Variants in MYO9B observed in about 807,000 individuals in gnomAD.
MYO9B encodes unconventional myosin-IXb.
MYO9B carries 71 observed loss-of-function variants against 229.5 expected under a neutral mutation model. That is an observed-to-expected ratio of 0.31 (90% CI 0.26 to 0.38). The LOEUF (loss-of-function observed/expected upper bound fraction) is 0.38, where lower values mean the gene tolerates loss of function less well. Among genes scored for constraint, MYO9B ranks in the 10% least tolerant of loss-of-function variants. The pLI, the probability that MYO9B is intolerant of heterozygous loss-of-function variation, is 1.00. For synonymous variants in MYO9B, 1,185 were observed against 1,235.8 expected (o/e 0.96, Z 0.86); for missense variants, 2,255 against 2,920.5 (o/e 0.77, Z 5.25).
At chr19:17,132,147 T>G (rs2072205152) in intron 2 of MYO9B, among the ~76,000 whole-genome samples, 1 of 151,094 alleles carries the variant, frequency 6.6e-6, no homozygotes, top group Non-Finnish European at 1.5e-5. Flanking sequence ...GGATTACAGT[T>G]GTGAGCCACT....
At chr19:17,183,008 G>A (rs1210082400) in intron 15 of MYO9B, among the ~76,000 whole-genome samples, 2 of 151,934 alleles carry the variant, frequency 1.3e-5, no homozygotes, top group Non-Finnish European at 2.9e-5. Flanking sequence ...TGCAACCTCC[G>A]CCTCCTGGGT....
chr19:17,106,501 A>G, intron 2 of MYO9B, among the ~76,000 whole-genome samples: 1 of 152,248 alleles, frequency 6.6e-6, no homozygotes, highest in Non-Finnish European at 1.5e-5. Flanking sequence ...GCGTCATCCC[A>G]GCTCTGAGAC....
chr19:17,204,297 G>A (rs1462702315), intron 30 of MYO9B, among the ~76,000 whole-genome samples: 1 of 151,006 alleles, frequency 6.6e-6, no homozygotes, highest in Non-Finnish European at 1.5e-5. Flanking sequence ...AAGCAGCATT[G>A]TCTTTGCCCC....
At chr19:17,186,510 T>A (rs527846562) in intron 18 of MYO9B, among the ~76,000 whole-genome samples, 124 of 152,160 alleles carry the variant, frequency 8.1e-4, no homozygotes, top group African/African-American at 2.9e-3. Context: ...GAGTGTGGGC[T>A]CCCAGACAAA....
chr19:17,127,314 CT>C (rs1308465444), intron 2 of MYO9B, among the ~76,000 whole-genome samples: 5 of 149,106 alleles, frequency 3.4e-5, no homozygotes, highest in Non-Finnish European at 7.4e-5. Flanking sequence ...AATTTTTTGA[CT>C]TTTTTTCTCC....
At chr19:17,166,750 A>G (rs1231973511) in intron 10 of MYO9B, among the ~76,000 whole-genome samples, 2 of 152,064 alleles carry the variant, frequency 1.3e-5, no homozygotes, top group African/African-American at 4.8e-5. Flanking sequence ...AAGAACATGC[A>G]ATATTTGGTT....
chr19:17,128,642 G>A (rs988598714), intron 2 of MYO9B, among the ~76,000 whole-genome samples: 1 of 152,266 alleles, frequency 6.6e-6, no homozygotes, highest in Non-Finnish European at 1.5e-5. Flanking sequence ...GGCGCTCAGG[G>A]TCACAGCTCT....
At chr19:17,105,626 GGA>G (rs1225282017) in intron 2 of MYO9B, among the ~76,000 whole-genome samples, 1 of 152,128 alleles carries the variant, frequency 6.6e-6, no homozygotes, top group Non-Finnish European at 1.5e-5. Flanking sequence ...CCCCCTCAGT[GGA>G]GAGAGGGAGT....
intron 10 of MYO9B, among the ~76,000 whole-genome samples, chr19:17,165,934 G>A (rs945205913): frequency 6.6e-6 from 1 of 152,060 alleles, no homozygotes; most frequent in Non-Finnish European, 1.5e-5. Context: ...TATCATCTGT[G>A]GCTGTTTTCA....
At chr19:17,198,505 C>T (rs986505118) in intron 24 of MYO9B, among the ~76,000 whole-genome samples, 197 bp downstream of exon 24, 8 of 152,132 alleles carry the variant, frequency 5.3e-5, no homozygotes, top group South Asian at 2.1e-4. Context: ...GATGCCGAGA[C>T]GGGTGGATCA....
At chr19:17,130,619 CAAA>C (rs879710104) in intron 2 of MYO9B, among the ~76,000 whole-genome samples, 1 of 110,318 alleles carries the variant, frequency 9.1e-6, no homozygotes, top group Non-Finnish European at 1.9e-5. Context: ...GACTCCGTCT[CAAA>C]AAAAAAAAAA....
At chr19:17,211,372 C>T (rs1464604030) in intron 38 of MYO9B, among the ~76,000 whole-genome samples, 3 of 152,216 alleles carry the variant, frequency 2.0e-5, no homozygotes, top group Non-Finnish European at 4.4e-5. Flanking sequence ...CCTAGGCTCA[C>T]GGGGTCCTCC....
intron 2 of MYO9B, among the ~76,000 whole-genome samples, chr19:17,118,620 T>A (rs2057930869): frequency 1.3e-5 from 2 of 152,140 alleles, no homozygotes; most frequent in Middle Eastern, 3.4e-3. Flanking sequence ...TAGCTGGGAC[T>A]ACAGGCGTGC....
Position 17,202,243 on chromosome 19 carries a change from C to T in MYO9B, c.4776C>T (p.Phe1592=), listed in dbSNP as rs1468939172. Reference sequence around the variant, plus strand: ...ACACCAACCTGGTCCTCAACCTCTTCCAGTCACTGCTAGATGAGTTCACCC... The same window carrying T: ...ACACCAACCTGGTCCTCAACCTCTTTCAGTCACTGCTAGATGAGTTCACCC... The part of the protein sequence containing the change: ...QKDTNLVLNL[F]QSLLDEFTRG... The change falls in exon 28 of 40, where the codon TTC becomes TTT. Residue 1592 remains phenylalanine (F), a synonymous_variant. Coordinates refer to ENST00000682292, the MANE Select transcript of MYO9B (RefSeq NM_004145.4). The T allele has an allele frequency of 6.2e-7, 1 of 1,604,666 alleles. No individual in the cohort carries two copies.
intron 35 of MYO9B, 186 bp downstream of exon 35, chr19:17,207,430 C>T (rs1404068864): frequency 1.5e-5 from 10 of 662,324 alleles, no homozygotes; most frequent in East Asian, 6.1e-5. Flanking sequence ...GCCAGGAGTT[C>T]GAGACCAGCC....
chr19:17,207,125 C>G lies in MYO9B; in HGVS notation c.5505C>G (p.Leu1835=). The G allele has an allele frequency of 1.2e-6, 2 of 1,610,370 alleles. No individual in the cohort carries two copies. Among genetic ancestry groups the G allele is most frequent in the Non-Finnish European group, 8.5e-7 (1 of 1,179,158 alleles). ...LIFHLVKVAL[L]EDVNRMSPGA... ...AGTGGCTGTGCAGGGTGGCCCTGCT[C>G]GAGGATGTCAACCGCATGTCACCTG... Residue 1835 remains leucine, a synonymous_variant, in exon 35 of 40, where the codon CTC becomes CTG. Coordinates refer to ENST00000682292, the MANE Select transcript of MYO9B (RefSeq NM_004145.4).
intron 10 of MYO9B, 57 bp from the exon 11 acceptor site, chr19:17,167,886 G>A (rs1168036255): frequency 2.0e-5 from 30 of 1,537,626 alleles, no homozygotes; most frequent in Non-Finnish European, 2.6e-5. Context: ...TATATGTTAT[G>A]TAGATATTAC....
chr19:17,131,497 G>C (rs1248650653), intron 2 of MYO9B, among the ~76,000 whole-genome samples: 1 of 152,236 alleles, frequency 6.6e-6, no homozygotes, highest in East Asian at 1.9e-4. Context: ...TTGAACTCCT[G>C]ACCTCAGGTG....
chr19:17,118,940 C>T (rs1171435364), intron 2 of MYO9B, among the ~76,000 whole-genome samples: 1 of 152,138 alleles, frequency 6.6e-6, no homozygotes, highest in South Asian at 2.1e-4. Context: ...CAGTGCAGGC[C>T]GGCCTGAGGG....
Sources: allele counts gnomAD v4.1 joint callset (sites outside exome capture counted in the v4.1 genomes callset), GRCh38; gene constraint gnomAD v4.1.1; transcripts MANE v1.5; gene names NCBI Gene and HGNC (gene_info 2026-07-23, HGNC 2026-07-21).